EPDR1: variants seen among roughly 807,000 people sequenced by gnomAD.
The protein encoded by EPDR1 is ependymin related 1, also known as mammalian ependymin-related protein 1.
Under a neutral mutation model 23.7 loss-of-function variants are expected in EPDR1, and 27 were observed. The observed-to-expected ratio is 1.14, with a 90% confidence interval of 0.84 to 1.57. The LOEUF (loss-of-function observed/expected upper bound fraction) is 1.57, where lower values mean the gene tolerates loss of function less well. Among genes scored for constraint, EPDR1 ranks in the 40% most tolerant of loss-of-function variants. The pLI is 0.00. For missense variants in EPDR1, 349 were observed against 290.4 expected, an observed-to-expected ratio of 1.20 and a Z score of -1.47; for synonymous variants, 137 against 118.2, an observed-to-expected ratio of 1.16 and a Z score of -1.03.
At chr7:37,949,135 G>GTCCCT (rs2132021753) in intron 2 of EPDR1, 87 bp downstream of exon 2, 1 of 1,342,570 alleles carries the variant, frequency 7.4e-7, no homozygotes, top group East Asian at 2.4e-5. Context: ...AGTTTTTAGG[G>GTCCCT]AAACATCCGC....
At chr7:37,934,443 CT>C (rs201896724) in intron 1 of EPDR1, among the ~76,000 whole-genome samples, 115 of 148,892 alleles carry the variant, frequency 7.7e-4, no homozygotes, top group South Asian at 6.2e-3. Flanking sequence ...GGACTCTCCT[CT>C]TTTTTTTTTT....
intron 1 of EPDR1, among the ~76,000 whole-genome samples, chr7:37,935,993 CATATATATAT>C (rs752536687): frequency 0.056 from 2,538 of 45,558 alleles, 275 homozygotes; most frequent in African/African-American, 0.13. Flanking sequence ...CAAATCATGG[CATATATATAT>C]ATATATATAT....
chr7:37,930,655 C>G (rs1413860799), intron 1 of EPDR1, among the ~76,000 whole-genome samples: 1 of 152,224 alleles, frequency 6.6e-6, no homozygotes, highest in African/African-American at 2.4e-5. Context: ...GAGATCTCAC[C>G]CTTCTGAGGT....
chr7:37,921,184 G>C lies in EPDR1; in HGVS notation c.245G>C (p.Arg82Thr), dbSNP rs755450578. 2 of 1,591,410 alleles carry C rather than the reference G, an allele frequency of 1.3e-6. No homozygotes were observed. The highest frequency in any genetic ancestry group is 3.4e-5 in the Admixed American group (2 of 59,466). ...LNQRVRVLDE[R>T]KALIPCKRLF... is the part of the protein sequence containing the mutation. Reference sequence around the variant, plus strand: ...CAGCGCGTGCGGGTGCTGGACGAGAGGAAGGCGCTGATCCCCTGCAAGAGG... The same window carrying C: ...CAGCGCGTGCGGGTGCTGGACGAGACGAAGGCGCTGATCCCCTGCAAGAGG... Residue 82 changes from arginine to threonine, a missense_variant, in exon 1 of 3, where the codon AGG becomes ACG. Coordinates refer to ENST00000199448, the MANE Select transcript of EPDR1 (RefSeq NM_017549.5).
intron 2 of EPDR1, among the ~76,000 whole-genome samples, chr7:37,949,486 T>C (rs1187361256): frequency 2.0e-5 from 3 of 152,220 alleles, no homozygotes; most frequent in African/African-American, 7.2e-5. Context: ...GCCCTGCTGC[T>C]GATATACGCC....
chr7:37,936,807 T>A (rs1345681126), intron 1 of EPDR1, among the ~76,000 whole-genome samples: 1 of 152,178 alleles, frequency 6.6e-6, no homozygotes, highest in Non-Finnish European at 1.5e-5. Context: ...CACCCCTTTT[T>A]TGGAGTGATA....
At chr7:37,921,900 A>AT (rs917726421) in intron 1 of EPDR1, among the ~76,000 whole-genome samples, 2 of 152,104 alleles carry the variant, frequency 1.3e-5, no homozygotes, top group Non-Finnish European at 2.9e-5. Context: ...CTTGCCTCCT[A>AT]TTTTTAATGG....
At chr7:37,926,898 C>A in intron 1 of EPDR1, 1 of 259,474 alleles carries the variant, frequency 3.9e-6, no homozygotes, top group South Asian at 4.2e-5. Context: ...TCAGTGTGGA[C>A]TCAAGCCTTC....
rs543189242 is a variant in EPDR1, at chr7:37,936,288, T to C, written c.270-12552T>C. Among the ~76,000 whole-genome samples the C allele has an allele frequency of 1.2e-3, 186 of 152,026 alleles. 1 individual carries two copies. Among genetic ancestry groups the C allele is most frequent in the African/African-American group, 4.4e-3 (182 of 41,492 alleles). On this transcript the variant is annotated intron_variant, in intron 1 of 2. Transcript: ENST00000199448. ...CTGGCAGAAAGGCAGTTGATAACATTCAACAAACATTCATAATACAATGGA... is the reference window on the plus strand; with the variant it reads ...CTGGCAGAAAGGCAGTTGATAACATCCAACAAACATTCATAATACAATGGA...
chr7:37,947,089 C>CCACT (rs762920830), intron 1 of EPDR1, among the ~76,000 whole-genome samples: 3 of 152,180 alleles, frequency 2.0e-5, no homozygotes, highest in South Asian at 2.1e-4. Context: ...CATTCTGTCA[C>CCACT]CACTCACTCA....
At chr7:37,923,493 G>A (rs1252230666) in intron 1 of EPDR1, among the ~76,000 whole-genome samples, 4 of 152,138 alleles carry the variant, frequency 2.6e-5, no homozygotes, top group Non-Finnish European at 5.9e-5. Context: ...GCTTGACTTT[G>A]TGCACTTCTA....
chr7:37,950,539 T>C lies in EPDR1; in HGVS notation c.*143T>C, dbSNP rs1786382193. Reference sequence around the variant, plus strand: ...GATGCACATTGATGTGGGGTTTTGATGTGTCTGATTTTGACTACTCAAGCT... The same window carrying C: ...GATGCACATTGATGTGGGGTTTTGACGTGTCTGATTTTGACTACTCAAGCT... On this transcript the variant is annotated 3_prime_UTR_variant, in exon 3 of 3. Transcript: ENST00000199448. 5 of 835,180 alleles carry C rather than the reference T, an allele frequency of 6.0e-6. No homozygotes were observed. The South Asian group carries it at 9.8e-5, about 16-fold the overall frequency. The allele number at this position is 835,180 out of a possible 1,614,324, so 51.7% of individuals were successfully genotyped here. A position where few individuals can be genotyped will look rare whatever the true frequency, so the allele number is the denominator to read the frequency against.
chr7:37,943,252 C>A (rs143714001), intron 1 of EPDR1, among the ~76,000 whole-genome samples: 1 of 152,234 alleles, frequency 6.6e-6, no homozygotes, highest in African/African-American at 2.4e-5. Flanking sequence ...CCAGCGGGGG[C>A]GTTGGTGCCT....
intron 1 of EPDR1, among the ~76,000 whole-genome samples, chr7:37,932,185 A>C (rs1489137013): frequency 6.6e-6 from 1 of 152,090 alleles, no homozygotes; most frequent in Non-Finnish European, 1.5e-5. Flanking sequence ...GAATTCTACA[A>C]TAATACCCTC....
At chr7:37,928,722 C>T (rs1156253141) in intron 1 of EPDR1, among the ~76,000 whole-genome samples, 1 of 152,130 alleles carries the variant, frequency 6.6e-6, no homozygotes, top group Non-Finnish European at 1.5e-5. Flanking sequence ...CCTTTTTGCT[C>T]TTTCTGCTCT....
At chr7:37,946,667 C>A (rs1221055920) in intron 1 of EPDR1, among the ~76,000 whole-genome samples, 1 of 152,182 alleles carries the variant, frequency 6.6e-6, no homozygotes, top group Non-Finnish European at 1.5e-5. Context: ...CAGCTCCATG[C>A]ATGTTACTGG....
intron 1 of EPDR1, among the ~76,000 whole-genome samples, chr7:37,941,210 A>G (rs1313176947): frequency 6.6e-6 from 1 of 152,220 alleles, no homozygotes; most frequent in Non-Finnish European, 1.5e-5. Context: ...CATTTACTAT[A>G]CCATTGGTAC....
chr7:37,929,747 G>A (rs955332188), intron 1 of EPDR1, among the ~76,000 whole-genome samples: 5 of 152,082 alleles, frequency 3.3e-5, no homozygotes, highest in African/African-American at 4.8e-5. Flanking sequence ...TTTCCAGTAG[G>A]GTTGAAGTGG....
rs554960946 is a variant in EPDR1 at position 37,943,137 on chromosome 7, C to A, written c.270-5703C>A. Among the ~76,000 whole-genome samples the A allele has an allele frequency of 2.6e-5, 4 of 152,346 alleles. No individual in the cohort carries two copies. In the South Asian group the frequency reaches 6.2e-4, roughly 24 times the overall value. On this transcript the variant is annotated intron_variant, in intron 1 of 2. Coordinates refer to ENST00000199448, the MANE Select transcript of EPDR1 (RefSeq NM_017549.5). ...CCAGTGAACTATGCTTTGCTTGGTGCCTGGCCAGCAAGGAGGCGAAGTTTG... is the reference window on the plus strand; with the variant it reads ...CCAGTGAACTATGCTTTGCTTGGTGACTGGCCAGCAAGGAGGCGAAGTTTG...
Sources: allele counts gnomAD v4.1 joint callset (sites outside exome capture counted in the v4.1 genomes callset), GRCh38; gene constraint gnomAD v4.1.1; transcripts MANE v1.5; gene names NCBI Gene and HGNC (gene_info 2026-07-23, HGNC 2026-07-21).